The following MTOR variants were observed in gnomAD, a reference collection of about 807,000 sequenced individuals.
MTOR encodes serine/threonine-protein kinase mTOR.
MTOR carries 70 observed loss-of-function variants against 319.8 expected under a neutral mutation model. The observed-to-expected ratio is 0.22, with a 90% CI of 0.18 to 0.27. The LOEUF is 0.27. MTOR is among the 10% of genes least tolerant of loss of function. The pLI, the probability that MTOR is intolerant of heterozygous loss-of-function variation, is 1.00. For synonymous variants in MTOR, 1,183 were observed against 1,211.4 expected (o/e 0.98, Z 0.49); for missense variants, 1,890 against 3,274.4 (o/e 0.58, Z 10.32).
chr1:11,113,448 T>C (rs1641997044), intron 53 of MTOR, among the ~76,000 whole-genome samples: 1 of 152,198 alleles, frequency 6.6e-6, no homozygotes, highest in South Asian at 2.1e-4. Flanking sequence ...GCAAATGTAA[T>C]GCAATAGCTC....
chr1:11,144,105 A>G (rs2100502416), intron 34 of MTOR: 1 of 153,008 alleles, frequency 6.5e-6, no homozygotes, highest in Middle Eastern at 3.4e-3. Context: ...AGTAGCTATA[A>G]ATAGCAGGAG....
chr1:11,140,708 C>T (rs1315646027), intron 34 of MTOR, among the ~76,000 whole-genome samples: 3 of 152,040 alleles, frequency 2.0e-5, no homozygotes, highest in Non-Finnish European at 2.9e-5. Context: ...CATAGGGATA[C>T]GGTGAGGATT....
intron 2 of MTOR, among the ~76,000 whole-genome samples, chr1:11,258,954 G>C (rs958756823): frequency 1.3e-5 from 2 of 152,092 alleles, no homozygotes; most frequent in South Asian, 2.1e-4. Context: ...ACTGTTATCA[G>C]ACAGAAAGCA....
At chr1:11,256,440 G>T in intron 4 of MTOR, 1 of 580,894 alleles carries the variant, frequency 1.7e-6, no homozygotes, top group Non-Finnish European at 2.2e-6. Flanking sequence ...TGGAAGTGCA[G>T]ATGTGTTTTA....
intron 52 of MTOR, 33 bp from the exon 53 acceptor site, chr1:11,114,486 G>A (rs1426351862): frequency 2.5e-6 from 4 of 1,612,578 alleles, no homozygotes; most frequent in Non-Finnish European, 3.4e-6. Context: ...CACCACAGGA[G>A]TTACTAACTC....
chr1:11,106,787 G>C lies in MTOR; in HGVS notation c.*698C>G. On this transcript the variant is annotated 3_prime_UTR_variant, in exon 58 of 58. Transcript: ENST00000361445. ...GAACCCTGCTGCAGAAGGCCAGTGAGGGTGGTCCCACTGCACAGTGATCCC... is the reference window on the plus strand; with the variant it reads ...GAACCCTGCTGCAGAAGGCCAGTGACGGTGGTCCCACTGCACAGTGATCCC... 1.6e-6 allele frequency: 2 copies of C among 1,262,796 alleles called. No individual in the cohort carries two copies. Among genetic ancestry groups the C allele is most frequent in the Non-Finnish European group, 2.0e-6 (2 of 987,142 alleles). 78.2% of individuals were successfully genotyped at this position (1,262,796 alleles called of 1,614,324 possible).
intron 3 of MTOR, 132 bp from the exon 4 acceptor site, chr1:11,257,297 A>T: frequency 1.4e-5 from 9 of 656,476 alleles, no homozygotes; most frequent in East Asian, 3.6e-5. Flanking sequence ...GCACTTTGGG[A>T]GGCTGAGGCG....
At chr1:11,242,022 T>C (rs1480482272) in intron 9 of MTOR, among the ~76,000 whole-genome samples, 1 of 152,102 alleles carries the variant, frequency 6.6e-6, no homozygotes, top group Non-Finnish European at 1.5e-5. Context: ...AAGAAGGCAG[T>C]ACACAGCCAT....
chr1:11,261,767 C>T (rs1465710764), intron 1 of MTOR, among the ~76,000 whole-genome samples: 4 of 151,922 alleles, frequency 2.6e-5, no homozygotes, highest in African/African-American at 7.3e-5. Flanking sequence ...AAAACTACTC[C>T]AGTTTGTGTG....
At chr1:11,219,351 G>A (rs772809246) in intron 19 of MTOR, among the ~76,000 whole-genome samples, 1 of 151,998 alleles carries the variant, frequency 6.6e-6, no homozygotes, top group Non-Finnish European at 1.5e-5. Context: ...GTTGTGATGT[G>A]GGGTCTAGGC....
chr1:11,138,654 T>C (rs1337683206), intron 36 of MTOR, among the ~76,000 whole-genome samples: 2 of 152,180 alleles, frequency 1.3e-5, no homozygotes, highest in African/African-American at 4.8e-5. Flanking sequence ...AGACTCCCTC[T>C]TCCTTTTAAG....
At chr1:11,172,145 A>T (rs942614060) in intron 28 of MTOR, among the ~76,000 whole-genome samples, 5 of 150,904 alleles carry the variant, frequency 3.3e-5, no homozygotes, top group Non-Finnish European at 5.9e-5. Context: ...GGCAGGAAAG[A>T]GGGCAACAGG....
intron 33 of MTOR, 72 bp downstream of exon 33, chr1:11,144,896 C>A: frequency 6.4e-7 from 1 of 1,565,716 alleles, no homozygotes; most frequent in African/African-American, 1.3e-5. Flanking sequence ...TGTAAGTTCT[C>A]AATAGCCCAT....
chr1:11,156,769 A>C (rs1214522420), intron 30 of MTOR, among the ~76,000 whole-genome samples: 1 of 152,162 alleles, frequency 6.6e-6, no homozygotes, highest in Non-Finnish European at 1.5e-5. Context: ...GCACCTGAAG[A>C]GGGCAGTCAC....
chr1:11,209,218 G>A, intron 25 of MTOR, 94 bp downstream of exon 25: 2 of 1,480,794 alleles, frequency 1.4e-6, no homozygotes, highest in Non-Finnish European at 9.2e-7. Context: ...CACCTGGGCT[G>A]GTTTTCGGTT....
At chr1:11,168,707 C>T (rs1644721293) in intron 28 of MTOR, among the ~76,000 whole-genome samples, 1 of 152,152 alleles carries the variant, frequency 6.6e-6, no homozygotes, top group African/African-American at 2.4e-5. Context: ...GGACTGTTAC[C>T]ACACTGGGAC....
intron 28 of MTOR, chr1:11,195,781 T>C (rs1571137753): frequency 6.5e-6 from 1 of 152,738 alleles, no homozygotes; most frequent in East Asian, 1.9e-4. Context: ...TATTTTTATT[T>C]ACTTTGTAAG....
In MTOR at chr1:11,130,790, AAAGGC is replaced by A. The variant is rs1168399335; in HGVS notation, c.5365-18_5365-14del. On this transcript the variant is annotated splice_polypyrimidine_tract_variant and intron_variant, in intron 38 of 57. Transcript: ENST00000361445. ...ACGCATGCCAGGCCTGGTTGGGGAG[AAAGGC>A]AAGGACAGACACTGGAGCTGTGACC... is the stretch of plus-strand genomic sequence containing the variant. 3.2e-6 allele frequency: 5 copies of A among 1,556,064 alleles called. No individual in the cohort carries two copies. Among genetic ancestry groups the A allele is most frequent in the Non-Finnish European group, 4.3e-6 (5 of 1,149,598 alleles).
At chr1:11,215,794 T>G (rs182864060) in intron 20 of MTOR, among the ~76,000 whole-genome samples, 1 of 152,294 alleles carries the variant, frequency 6.6e-6, no homozygotes, top group African/African-American at 2.4e-5. Flanking sequence ...AATCCCTTCA[T>G]GGTTTATGAG....
Sources: gnomAD v4.1 joint callset for allele counts (sites outside exome capture counted in the v4.1 genomes callset) on GRCh38, gnomAD v4.1.1 for gene constraint, MANE v1.5 for transcripts, NCBI Gene and HGNC (gene_info 2026-07-23, HGNC 2026-07-21) for gene names.